The following GLMN variants were observed in gnomAD, a reference collection of about 807,000 sequenced individuals.
The protein encoded by GLMN is glomulin.
Under a neutral mutation model 87.8 loss-of-function variants are expected in GLMN, and 75 were observed. The observed-to-expected ratio is 0.85, with a 90% CI of 0.71 to 1.04. GLMN has a LOEUF of 1.04. Ranked by LOEUF, GLMN falls within the 50% of genes least tolerant of loss-of-function variation. The probability of loss-of-function intolerance (pLI) is 0.00; values close to 1 mark genes in which losing one functional copy is unlikely to be tolerated. For missense variants in GLMN, 588 were observed against 658.8 expected, an observed-to-expected ratio of 0.89 and a Z score of 1.18; for synonymous variants, 206 against 221.6, an observed-to-expected ratio of 0.93 and a Z score of 0.63.
chr1:92,300,221 A>T, upstream of GLMN: 3 of 1,610,488 alleles, frequency 1.9e-6, no homozygotes, highest in Non-Finnish European at 2.5e-6. Context: ...ACTTTGAAAC[A>T]AGAAGATGCT....
In GLMN at chr1:92,289,025, C is replaced by T. The variant is rs1001376849; in HGVS notation, c.521G>A (p.Cys174Tyr). The change falls in exon 6 of 19, where the codon TGT becomes TAT. Residue 174 changes from cysteine (C) to tyrosine (Y), a missense_variant. By Grantham distance (194) the Cys-to-Tyr change is radical. Transcript: ENST00000370360. ...CTCTATTAAGGCCTTGCAACACTGA[C>T]AAAGGCCATAGTCATCCATTTGTAT... ...EQIQMDDYGL[C>Y]QCCKALIEFT... The T allele has an allele frequency of 6.8e-6, 11 of 1,609,222 alleles. No individual in the cohort carries two copies. Among genetic ancestry groups the T allele is most frequent in the Admixed American group, 3.3e-5 (2 of 59,980 alleles).
the GLMN span, among the ~76,000 whole-genome samples, chr1:92,369,407 G>A: frequency 3.3e-5 from 5 of 152,136 alleles, no homozygotes; most frequent in South Asian, 1.0e-3. Context: ...ACAAGTTGTG[G>A]GAACCGATCC....
intron 1 of GLMN, among the ~76,000 whole-genome samples, chr1:92,298,675 C>A (rs1246200516): frequency 6.6e-6 from 1 of 152,182 alleles, no homozygotes; most frequent in African/African-American, 2.4e-5. Flanking sequence ...GGCGGCAAGG[C>A]TCGGCCCCAA....
At chr1:92,290,053 C>T (rs1224653084) in intron 5 of GLMN, 145 bp downstream of exon 5, 1 of 667,266 alleles carries the variant, frequency 1.5e-6, no homozygotes, top group African/African-American at 1.8e-5. Context: ...GCAGTATTCA[C>T]ATTGGCATTG....
the GLMN span, among the ~76,000 whole-genome samples, chr1:92,315,043 C>A: frequency 6.7e-6 from 1 of 150,052 alleles, no homozygotes; most frequent in East Asian, 1.9e-4. Context: ...GACTCTGTCT[C>A]AAAATCATAA....
intron 7 of GLMN, among the ~76,000 whole-genome samples, chr1:92,275,378 T>C (rs66758257): frequency 0.26 from 39,516 of 152,116 alleles, 6,516 homozygotes; most frequent in Non-Finnish European, 0.35. Flanking sequence ...GTCTAGGACT[T>C]TCCTTATGGC....
chr1:92,326,676 G>A, the GLMN span, among the ~76,000 whole-genome samples: 1 of 152,168 alleles, frequency 6.6e-6, no homozygotes, highest in African/African-American at 2.4e-5. Flanking sequence ...GGTCAGTGGA[G>A]CTATTCCAGG....
chr1:92,363,331 C>A, the GLMN span, among the ~76,000 whole-genome samples: 1 of 152,092 alleles, frequency 6.6e-6, no homozygotes, highest in African/African-American at 2.4e-5. Flanking sequence ...CATGATGGAA[C>A]AGGGCAGGTC....
upstream of GLMN, among the ~76,000 whole-genome samples, chr1:92,301,876 A>G (rs556408084): frequency 5.3e-5 from 8 of 152,246 alleles, no homozygotes; most frequent in Non-Finnish European, 4.4e-5. Context: ...ACCACAAAGA[A>G]ATGATAAATA....
chr1:92,287,629 C>A (rs907581167), intron 6 of GLMN, among the ~76,000 whole-genome samples: 1 of 152,124 alleles, frequency 6.6e-6, no homozygotes, highest in East Asian at 1.9e-4. Flanking sequence ...TGCGAGCCAC[C>A]ACGTCTGGCT....
rs550805654 is a variant in GLMN, at chr1:92,260,499, C to A, written c.1473+2364G>T. 1.8e-3 allele frequency among the ~76,000 whole-genome samples: 273 copies of A among 152,032 alleles called. 1 individual carries two copies. The highest frequency in any genetic ancestry group is 5.9e-3 in the African/African-American group (244 of 41,452). ...GTGTGGTGGTGCCTGGCTGTAGTCC[C>A]AGCTACTCGGGAGACTGAGGCAGGA... On this transcript the variant is annotated intron_variant, in intron 16 of 18. Transcript: ENST00000370360.
upstream of GLMN, among the ~76,000 whole-genome samples, chr1:92,300,999 A>C (rs1254034699): frequency 6.6e-6 from 1 of 152,226 alleles, no homozygotes; most frequent in Non-Finnish European, 1.5e-5. Context: ...AGGAATAACG[A>C]AGTCTAATTT....
intron 1 of GLMN, among the ~76,000 whole-genome samples, chr1:92,298,659 T>A (rs1330054357): frequency 6.6e-6 from 1 of 152,006 alleles, no homozygotes; most frequent in East Asian, 1.9e-4. Context: ...GACCATCGCT[T>A]CTCCTGGCGG....
intron 7 of GLMN, among the ~76,000 whole-genome samples, chr1:92,280,185 G>GT (rs1557549841): frequency 1.3e-5 from 2 of 152,324 alleles, no homozygotes; most frequent in Non-Finnish European, 1.5e-5. Context: ...CCCGCGTAGC[G>GT]TGATTGGGAA....
At chr1:92,273,144 G>C (rs1345267793) in intron 7 of GLMN, among the ~76,000 whole-genome samples, 1 of 152,154 alleles carries the variant, frequency 6.6e-6, no homozygotes, top group Non-Finnish European at 1.5e-5. Flanking sequence ...ATAAAGCCAA[G>C]TATAAGTCTT....
chr1:92,262,532 T>C (rs548890189), intron 16 of GLMN, among the ~76,000 whole-genome samples: 3 of 152,342 alleles, frequency 2.0e-5, no homozygotes, highest in African/African-American at 7.2e-5. Context: ...TCATGAGCTA[T>C]AGGTGGAGGA....
chr1:92,346,495 C>T, the GLMN span, among the ~76,000 whole-genome samples: 1 of 152,178 alleles, frequency 6.6e-6, no homozygotes, highest in African/African-American at 2.4e-5. Flanking sequence ...CAAATATCCT[C>T]ATGTGGAGTA....
chr1:92,287,626 C>T lies in GLMN; in HGVS notation c.633-1034G>A, dbSNP rs1648923932. ...AAGTGTTAGGATTACAGGTGCGAGC[C>T]ACCACGTCTGGCTGTAAATTTTTTT... is the stretch of plus-strand genomic sequence containing the variant. On this transcript the variant is annotated intron_variant, in intron 6 of 18. Coordinates refer to ENST00000370360, the MANE Select transcript of GLMN (RefSeq NM_053274.3). Among the ~76,000 whole-genome samples, 3 of 152,242 alleles carry T rather than the reference C, an allele frequency of 2.0e-5. No individual in the cohort carries two copies. In the South Asian group the frequency reaches 6.2e-4, roughly 32 times the overall value.
chr1:92,281,567 G>GA (rs1242072958), intron 7 of GLMN, among the ~76,000 whole-genome samples: 2 of 152,072 alleles, frequency 1.3e-5, no homozygotes, highest in Admixed American at 6.6e-5. Flanking sequence ...TCAATTAACA[G>GA]AAAAAATAAC....
Sources: allele counts gnomAD v4.1 joint callset (sites outside exome capture counted in the v4.1 genomes callset), GRCh38; gene constraint gnomAD v4.1.1; transcripts MANE v1.5; gene names NCBI Gene and HGNC (gene_info 2026-07-23, HGNC 2026-07-21).